The following SYNE1 variants were observed in gnomAD, a reference collection of about 807,000 sequenced individuals.
The protein encoded by SYNE1 is nesprin-1.
In SYNE1, 616 loss-of-function variants were observed where a neutral mutation model predicts 1,111.0. The ratio of observed to expected loss-of-function variants is 0.55; its 90% CI spans 0.52 to 0.59. The LOEUF is 0.59. SYNE1 is among the 20% of genes least tolerant of loss of function. The pLI is 0.00. For missense variants in SYNE1, 10,006 were observed against 10,417.0 expected (o/e 0.96, Z 1.72); for synonymous variants, 3,855 against 3,825.8 (o/e 1.01, Z -0.28).
chr6:152,471,764 AC>A lies in SYNE1; in HGVS notation c.1464del (p.Arg488SerfsTer13). ...PPDQLEDMAE[R>X]FHFVSSTSEL... ...TCTGATGTGGAGGAAACAAAATGAA[AC>A]CTAGAAATAAAACAGGGAGAATTTA... On this transcript the variant is annotated frameshift_variant and splice_region_variant, in exon 16 of 146. Coordinates refer to ENST00000367255, the MANE Select transcript of SYNE1 (RefSeq NM_182961.4). LOFTEE classifies it high-confidence loss of function. 6.2e-7 allele frequency: 1 copy of A among 1,613,412 alleles called. No individual in the cohort carries two copies. The highest frequency in any genetic ancestry group is 8.5e-7 in the Non-Finnish European group (1 of 1,179,500).
At position 152,488,398 on chromosome 6, in the gene SYNE1, G is replaced by T. The variant is rs1190829714; in HGVS notation, c.1045C>A (p.Gln349Lys). The T allele has an allele frequency of 2.6e-6, 4 of 1,558,216 alleles. No homozygotes were observed. The South Asian group carries it at 3.3e-5, about 13-fold the overall frequency. ...CAAAAATCTTCTCCATACAATACCT[G>T]ATATTTATCCTGTAAATTTGATTCC... is the stretch of plus-strand genomic sequence containing the variant. Reference protein sequence around the residue: ...MVESNLQDKYQSFKHFRVQYE... With the variant: ...MVESNLQDKYKSFKHFRVQYE... The change falls in exon 12 of 146, where the codon CAG (glutamine) becomes AAG (lysine). Residue 349 changes from glutamine to lysine, a missense_variant and splice_region_variant. Physicochemically the swap from Gln to Lys is moderately conservative, Grantham distance 53. Coordinates refer to ENST00000367255, the MANE Select transcript of SYNE1 (RefSeq NM_182961.4).
At chr6:152,351,663 T>C (rs2096742946) in intron 70 of SYNE1, among the ~76,000 whole-genome samples, 1 of 152,180 alleles carries the variant, frequency 6.6e-6, no homozygotes, top group African/African-American at 2.4e-5. Flanking sequence ...TACCAGAAGA[T>C]GAAGGGAAGC....
intron 119 of SYNE1, 44 bp downstream of exon 119, chr6:152,220,798 C>T (rs1368359411): frequency 1.3e-6 from 2 of 1,577,388 alleles, no homozygotes; most frequent in East Asian, 4.5e-5. Context: ...CTTGGGCAGT[C>T]TAAGAAGGGC....
intron 8 of SYNE1, among the ~76,000 whole-genome samples, chr6:152,506,333 A>G (rs2099058128): frequency 6.6e-6 from 1 of 152,168 alleles, no homozygotes. Context: ...TGATCACTTA[A>G]CTAGGGAACA....
chr6:152,195,548 C>T (rs184224897), intron 127 of SYNE1, among the ~76,000 whole-genome samples: 1 of 152,218 alleles, frequency 6.6e-6, no homozygotes, highest in Non-Finnish European at 1.5e-5. Context: ...GTGGTTCTTG[C>T]AGACTGATAG....
At chr6:152,548,134 G>A (rs749502285) in intron 3 of SYNE1, among the ~76,000 whole-genome samples, 9 of 152,188 alleles carry the variant, frequency 5.9e-5, no homozygotes, top group Non-Finnish European at 1.2e-4. Flanking sequence ...GCCCACAGCA[G>A]CCTCATATGT....
At chr6:152,623,382 T>C (rs2099679666) in intron 3 of SYNE1, among the ~76,000 whole-genome samples, 1 of 151,992 alleles carries the variant, frequency 6.6e-6, no homozygotes, top group Non-Finnish European at 1.5e-5. Context: ...TCAAGATATA[T>C]TAAAGACTAA....
intron 131 of SYNE1, among the ~76,000 whole-genome samples, chr6:152,158,506 T>C (rs2061800454): frequency 6.6e-6 from 1 of 152,206 alleles, no homozygotes; most frequent in South Asian, 2.1e-4. Context: ...TTGGAGATTT[T>C]ATAAACTAGA....
At position 152,293,575 on chromosome 6, in the gene SYNE1, T is replaced by C. The variant is rs2094714841; in HGVS notation, c.18012+13A>G. The stretch of plus-strand genomic sequence containing the variant: ...TCAATCAAGTAGGAAACTGAAGTCA[T>C]GGCTATTTGTACCTGATGTTCAGCC... On this transcript the variant is annotated intron_variant, in intron 95 of 145. Transcript: ENST00000367255. 3 of 1,613,910 alleles carry C rather than the reference T, an allele frequency of 1.9e-6. No individual in the cohort carries two copies. The highest frequency in any genetic ancestry group is 2.2e-5 in the South Asian group (2 of 91,070).
At chr6:152,341,869 C>T (rs1763020571) in intron 74 of SYNE1, among the ~76,000 whole-genome samples, 1 of 152,132 alleles carries the variant, frequency 6.6e-6, no homozygotes, top group African/African-American at 2.4e-5. Context: ...TGAGGACCTG[C>T]TGTACATGGT....
intron 145 of SYNE1, 108 bp from the exon 146 acceptor site, chr6:152,122,784 C>G: frequency 1.3e-6 from 2 of 1,550,194 alleles, no homozygotes; most frequent in Non-Finnish European, 1.8e-6. Flanking sequence ...CAAGCACACC[C>G]CAGCCTGGCG....
At position 152,219,140 on chromosome 6, in the gene SYNE1, G is replaced by A. The variant is rs753138419; in HGVS notation, c.21907C>T (p.Leu7303Phe). The A allele has an allele frequency of 6.8e-6, 11 of 1,614,062 alleles. No individual in the cohort carries two copies. In the East Asian group the frequency reaches 2.2e-4, roughly 33 times the overall value. Reference sequence around the variant, plus strand: ...TTCAGTTGCTCTCCCAGCTCATGGAGAAAAAAGAGGGAATCTTTAACTGTG... The same window carrying A: ...TTCAGTTGCTCTCCCAGCTCATGGAAAAAAAAGAGGGAATCTTTAACTGTG... Reference protein sequence around the residue: ...LGTVKDSLFFLHELGEQLKQQ... With the variant: ...LGTVKDSLFFFHELGEQLKQQ... Residue 7303 changes from leucine (L) to phenylalanine (F), a missense_variant, in exon 120 of 146, where the codon CTC becomes TTC. Physicochemically the swap from Leu to Phe is conservative, Grantham distance 22. Around this residue, in one of 7 missense-constraint regions of SYNE1, gnomAD observed 2,182 missense variants for 2,287.8 expected, o/e 0.95. Transcript: ENST00000367255.
chr6:152,299,175 AT>A (rs1020919543), intron 93 of SYNE1, among the ~76,000 whole-genome samples: 2 of 152,086 alleles, frequency 1.3e-5, no homozygotes, highest in Non-Finnish European at 2.9e-5. Flanking sequence ...GAAAAGGTAT[AT>A]TTTTTCCACA....
intron 36 of SYNE1, among the ~76,000 whole-genome samples, chr6:152,428,805 A>G (rs1438309350): frequency 6.6e-6 from 1 of 152,158 alleles, no homozygotes; most frequent in Non-Finnish European, 1.5e-5. Context: ...TTGCAGCAAG[A>G]CATAGTGAAA....
At chr6:152,599,135 T>C (rs1430049955) in intron 3 of SYNE1, among the ~76,000 whole-genome samples, 1 of 152,182 alleles carries the variant, frequency 6.6e-6, no homozygotes, top group African/African-American at 2.4e-5. Context: ...AGAAAAATTA[T>C]CGTTCTGAAT....
chr6:152,167,873 CAG>C (rs755922568), intron 130 of SYNE1: 3 of 710,422 alleles, frequency 4.2e-6, no homozygotes, highest in Non-Finnish European at 8.0e-6. Context: ...AACTGGAATA[CAG>C]AGTCATAATA....
rs1404247094 is a variant in SYNE1, at chr6:152,225,864, A to G, written c.21208T>C (p.Leu7070=). Reference sequence around the variant, plus strand: ...ACTTCTTTTTCTTTTGCTTTAATCAAATCTTCCAGATCCTGAAAGATTTAA... The same window carrying G: ...ACTTCTTTTTCTTTTGCTTTAATCAGATCTTCCAGATCCTGAAAGATTTAA... ...ALKDCQDLED[L]IKAKEKEVEK... is the part of the protein sequence containing the mutation. The change falls in exon 116 of 146, where the codon TTG becomes CTG. Residue 7070 remains leucine (L), a synonymous_variant. Coordinates refer to ENST00000367255, the MANE Select transcript of SYNE1 (RefSeq NM_182961.4). The G allele has an allele frequency of 6.2e-7, 1 of 1,613,356 alleles. No homozygotes were observed. Among genetic ancestry groups the G allele is most frequent in the Non-Finnish European group, 8.5e-7 (1 of 1,179,898 alleles).
In SYNE1 at chr6:152,461,620, T is replaced by C. The variant is rs747524560; in HGVS notation, c.2371A>G (p.Lys791Glu). Residue 791 changes from lysine (K) to glutamate (E), a missense_variant, in exon 21 of 146, where the codon AAG becomes GAG. By Grantham distance (56) the Lys-to-Glu change is moderately conservative (BLOSUM62 1). Coordinates refer to ENST00000367255, the MANE Select transcript of SYNE1 (RefSeq NM_182961.4). ...ACCTTGGTTAGCTGCTCTTTGAGCTTTGACATGGTCGCAAACATTTCTTTT... is the reference window on the plus strand; with the variant it reads ...ACCTTGGTTAGCTGCTCTTTGAGCTCTGACATGGTCGCAAACATTTCTTTT... ...EGKEMFATMS[K>E]LKEQLTKVKE... 3 of 1,614,048 alleles carry C rather than the reference T, an allele frequency of 1.9e-6. No individual in the cohort carries two copies. The South Asian group carries it at 3.3e-5, about 18-fold the overall frequency.
rs1050971068 is a variant in SYNE1 at position 152,564,946 on chromosome 6, T to G, written c.68-24925A>C. ...TATTAAGTTAGATATTTTATGTAAA[T>G]GCTGTGTCCAACACTTATCACATAG... On this transcript the variant is annotated intron_variant, in intron 3 of 145. Transcript: ENST00000367255. Among the ~76,000 whole-genome samples the G allele has an allele frequency of 7.2e-5, 11 of 152,338 alleles. No homozygotes were observed. The East Asian group carries it at 1.9e-3, about 27-fold the overall frequency.
Sources: allele counts gnomAD v4.1 joint callset (sites outside exome capture counted in the v4.1 genomes callset), GRCh38; gene constraint gnomAD v4.1.1; regional missense constraint gnomAD v4.1.1; transcripts MANE v1.5; gene names NCBI Gene and HGNC (gene_info 2026-07-23, HGNC 2026-07-21).